NWD1: variants seen among roughly 807,000 people sequenced by gnomAD.
NWD1 encodes NACHT and WD repeat domain containing 1.
In NWD1, 129 loss-of-function variants were observed where a neutral mutation model predicts 135.1. The observed-to-expected ratio is 0.96, with a 90% CI of 0.83 to 1.11. The LOEUF is 1.11. Among genes scored for constraint, NWD1 ranks in the 50% least tolerant of loss-of-function variants. NWD1 has a pLI of 0.00. For synonymous variants in NWD1, 773 were observed against 786.0 expected, an observed-to-expected ratio of 0.98 and a Z score of 0.28; for missense variants, 1,740 against 1,851.3, an observed-to-expected ratio of 0.94 and a Z score of 1.10.
chr19:16,777,937 G>A (rs1347230430), intron 11 of NWD1, among the ~76,000 whole-genome samples: 1 of 124,552 alleles, frequency 8.0e-6, no homozygotes, highest in Non-Finnish European at 1.7e-5. Flanking sequence ...GGAGGGAAGG[G>A]AAAGGGAAGG....
intron 16 of NWD1, among the ~76,000 whole-genome samples, chr19:16,799,668 G>A (rs534241775): frequency 0.078 from 11,758 of 151,650 alleles, 668 homozygotes; most frequent in African/African-American, 0.15. Flanking sequence ...CACCAAGCCT[G>A]GCTAATTTTT....
chr19:16,793,333 A>G (rs560260621), intron 14 of NWD1, among the ~76,000 whole-genome samples: 1 of 152,136 alleles, frequency 6.6e-6, no homozygotes, highest in East Asian at 2.0e-4. Flanking sequence ...TCCCGGGCTC[A>G]AGACGTCCTC....
At chr19:16,724,751 T>G (rs115108193) in intron 2 of NWD1, among the ~76,000 whole-genome samples, 1 of 152,078 alleles carries the variant, frequency 6.6e-6, no homozygotes, top group South Asian at 2.1e-4. Context: ...TGGAGTGTAA[T>G]GGCGCCATCT....
intron 10 of NWD1, among the ~76,000 whole-genome samples, chr19:16,765,710 G>T (rs530546708): frequency 6.6e-6 from 1 of 152,208 alleles, no homozygotes; most frequent in African/African-American, 2.4e-5. Flanking sequence ...TGTTGCCCTG[G>T]ACTTTTCTTT....
At chr19:16,814,078 G>C (rs1000621036) in intron 18 of NWD1, among the ~76,000 whole-genome samples, 1 of 152,072 alleles carries the variant, frequency 6.6e-6, no homozygotes, top group African/African-American at 2.4e-5. Flanking sequence ...ATGGGAGGTC[G>C]AGGTGTGGGA....
Position 16,742,200 on chromosome 19 carries a change from C to T in NWD1, c.199-2221C>T, listed in dbSNP as rs1488067981. On this transcript the variant is annotated intron_variant, in intron 4 of 18. Transcript: ENST00000524140. The stretch of plus-strand genomic sequence containing the variant: ...GACCAGCCTGGCCAACATGGCGAAA[C>T]CCTGTCTCTACTAAAAATATAAAAA... Among the ~76,000 whole-genome samples, 5 of 152,064 alleles carry T rather than the reference C, an allele frequency of 3.3e-5. No individual in the cohort carries two copies. The East Asian group carries it at 9.7e-4, about 29-fold the overall frequency.
intron 4 of NWD1, 84 bp from the exon 5 acceptor site, chr19:16,744,337 A>C: frequency 8.4e-7 from 1 of 1,193,528 alleles, no homozygotes; most frequent in South Asian, 1.4e-5. Flanking sequence ...TGGTTGTACC[A>C]CCGCACTCCA....
chr19:16,748,086 T>A (rs990515844), intron 5 of NWD1, among the ~76,000 whole-genome samples: 3 of 152,170 alleles, frequency 2.0e-5, no homozygotes, highest in African/African-American at 7.2e-5. Flanking sequence ...CGGGTTCAAG[T>A]GATTCTCCTG....
intron 12 of NWD1, among the ~76,000 whole-genome samples, chr19:16,782,814 G>T (rs1969900418): frequency 6.6e-6 from 1 of 152,014 alleles, no homozygotes; most frequent in Non-Finnish European, 1.5e-5. Flanking sequence ...GTGAGATCCT[G>T]TCTTTTGGTT....
intron 12 of NWD1, among the ~76,000 whole-genome samples, chr19:16,784,280 C>T (rs936598049): frequency 7.3e-5 from 11 of 151,600 alleles, no homozygotes; most frequent in South Asian, 2.1e-4. Flanking sequence ...GCAGAAGGAT[C>T]GCTTGAGCCT....
At chr19:16,774,299 T>C (rs148707101) in intron 11 of NWD1, among the ~76,000 whole-genome samples, 1,599 of 146,046 alleles carry the variant, frequency 0.011, 27 homozygotes, top group Middle Eastern at 0.038. Flanking sequence ...CATTTATCCA[T>C]CAATTCATCT....
At position 16,815,945 on chromosome 19, in the gene NWD1, C is replaced by T. The variant is rs568546885; in HGVS notation, c.*906C>T. On this transcript the variant is annotated 3_prime_UTR_variant, in exon 19 of 19. Transcript: ENST00000524140. ...TTACAGATGAGGAAACTGAGCCTTG[C>T]GGAAGTAGTTATAATTTGATTCAGG... 9.8e-5 allele frequency: 15 copies of T among 152,344 alleles called. No individual in the cohort carries two copies. Among genetic ancestry groups the T allele is most frequent in the East Asian group, 1.9e-4 (1 of 5,188 alleles). The allele number at this position is 152,344 out of a possible 1,614,324, so 9.4% of individuals were successfully genotyped here. A position where few individuals can be genotyped will look rare whatever the true frequency, so the allele number is the denominator to read the frequency against.
rs147489023 is a variant in NWD1, at chr19:16,764,768, G to C, written c.2252-266G>C. 4.6e-5 allele frequency among the ~76,000 whole-genome samples: 7 copies of C among 152,146 alleles called. No individual in the cohort carries two copies. The East Asian group carries it at 1.4e-3, about 29-fold the overall frequency. On this transcript the variant is annotated intron_variant, in intron 9 of 18. Transcript: ENST00000524140. ...CAGAAGAGATTCTGCCCCCCCAGGG[G>C]ACACTTGACAATGTCTGCAGACATG...
At chr19:16,798,651 G>A (rs1738449573) in intron 16 of NWD1, among the ~76,000 whole-genome samples, 1 of 152,086 alleles carries the variant, frequency 6.6e-6, no homozygotes, top group South Asian at 2.1e-4. Context: ...TTGAGACCAA[G>A]TCTCACTCAG....
At chr19:16,805,744 G>T (rs575446680) in intron 17 of NWD1, among the ~76,000 whole-genome samples, 5 of 152,296 alleles carry the variant, frequency 3.3e-5, no homozygotes, top group African/African-American at 1.2e-4. Context: ...TGCCTAGTGG[G>T]CTGTTACTCT....
chr19:16,737,835 C>T lies in NWD1; in HGVS notation c.198+1085C>T, dbSNP rs937988122. On this transcript the variant is annotated intron_variant, in intron 4 of 18. Coordinates refer to ENST00000524140, the MANE Select transcript of NWD1 (RefSeq NM_001007525.5). ...AAAAAATTAGCTGGGCATGGTGGCA[C>T]GTGCCTGTAATCCCAGCTACTTGGG... Among the ~76,000 whole-genome samples, 10 of 151,682 alleles carry T rather than the reference C, an allele frequency of 6.6e-5. No homozygotes were observed. In the South Asian group the frequency reaches 8.3e-4, roughly 13 times the overall value.
chr19:16,774,850 C>A (rs1009375904), intron 11 of NWD1, among the ~76,000 whole-genome samples: 3 of 151,552 alleles, frequency 2.0e-5, no homozygotes, highest in African/African-American at 7.3e-5. Flanking sequence ...CATTCATTCA[C>A]TTACGCCTCC....
chr19:16,737,658 C>T (rs1042208875), intron 4 of NWD1, among the ~76,000 whole-genome samples: 8 of 150,742 alleles, frequency 5.3e-5, no homozygotes, highest in Non-Finnish European at 1.2e-4. Flanking sequence ...CATCCAAGAA[C>T]GATCACATTT....
intron 1 of NWD1, among the ~76,000 whole-genome samples, chr19:16,722,588 C>T (rs767123864): frequency 2.6e-5 from 4 of 151,852 alleles, no homozygotes; most frequent in Non-Finnish European, 4.4e-5. Context: ...TGTGCCTGGC[C>T]GACCCTCACT....
Sources: gnomAD v4.1 joint callset for allele counts (sites outside exome capture counted in the v4.1 genomes callset) on GRCh38, gnomAD v4.1.1 for gene constraint, MANE v1.5 for transcripts, NCBI Gene and HGNC (gene_info 2026-07-23, HGNC 2026-07-21) for gene names.